CEP290: variants seen among roughly 807,000 people sequenced by gnomAD.
CEP290 encodes the protein centrosomal protein 290.
A neutral mutation model predicts 344.9 loss-of-function variants in CEP290; 317 were observed. The observed-to-expected ratio is 0.92, with a 90% CI of 0.84 to 1.01. The LOEUF (loss-of-function observed/expected upper bound fraction) is 1.01. Ranked by LOEUF, CEP290 falls within the 50% of genes least tolerant of loss-of-function variation. The pLI, the probability that CEP290 is intolerant of heterozygous loss-of-function variation, is 0.00. For missense variants in CEP290, 2,754 were observed against 2,761.4 expected, an observed-to-expected ratio of 1.00 and a Z score of 0.06; for synonymous variants, 932 against 895.8, an observed-to-expected ratio of 1.04 and a Z score of -0.72.
rs1159716737 is a variant in CEP290 at position 88,111,229 on chromosome 12, C to G, written c.2340G>C (p.Gln780His). 1 of 1,415,716 alleles carries G rather than the reference C, an allele frequency of 7.1e-7. No homozygotes were observed. The highest frequency in any genetic ancestry group is 9.2e-7 in the Non-Finnish European group (1 of 1,081,480). 87.7% of individuals were successfully genotyped at this position (1,415,716 alleles called of 1,614,324 possible). Reference sequence around the variant, plus strand: ...GTAACAAATGTATTAAATATTCATTCTGAGAATTAATGATACTGGCACTAG... The same window carrying G: ...GTAACAAATGTATTAAATATTCATTGTGAGAATTAATGATACTGGCACTAG... ...APSSASIINSQNEYLIHLLQE... is the reference protein window; with the variant it reads ...APSSASIINSHNEYLIHLLQE... The change falls in exon 22 of 54, where the codon CAG becomes CAC. Residue 780 changes from glutamine (Q) to histidine (H), a missense_variant. Coordinates refer to ENST00000552810, the MANE Select transcript of CEP290 (RefSeq NM_025114.4).
chr12:88,134,761 C>T (rs2040262076), intron 6 of CEP290, among the ~76,000 whole-genome samples: 1 of 152,160 alleles, frequency 6.6e-6, no homozygotes, highest in East Asian at 1.9e-4. Context: ...AAGTGCCTGG[C>T]ACATAGTAAG....
At chr12:88,089,549 C>A (rs1268899615) in intron 30 of CEP290, 62 bp from the exon 31 acceptor site, 32 of 1,236,080 alleles carry the variant, frequency 2.6e-5, no homozygotes, top group Middle Eastern at 2.0e-4. Context: ...AAAGTTATCA[C>A]AGATTTAAAA....
intron 28 of CEP290, 22 bp from the exon 29 acceptor site, chr12:88,092,854 T>G: frequency 6.2e-7 from 1 of 1,605,664 alleles, no homozygotes; most frequent in Non-Finnish European, 8.5e-7. Context: ...TAACAAAAAA[T>G]GTTCAGATAC....
Position 88,134,208 on chromosome 12 carries a change from T to C in CEP290, c.441+2435A>G, listed in dbSNP as rs561118836. 5.1e-4 allele frequency among the ~76,000 whole-genome samples: 78 copies of C among 152,334 alleles called. 1 individual carries two copies. The South Asian group carries it at 0.011, about 22-fold the overall frequency. On this transcript the variant is annotated intron_variant, in intron 6 of 53. Coordinates refer to ENST00000552810, the MANE Select transcript of CEP290 (RefSeq NM_025114.4). The stretch of plus-strand genomic sequence containing the variant: ...TCCTCTTGTGTTCCTCCTTAATGAA[T>C]GGCACTATCTACCTATTTAGTGGCC...
intron 47 of CEP290, 113 bp from the exon 48 acceptor site, chr12:88,060,133 GATTAGA>G (rs1393170437): frequency 1.1e-6 from 1 of 946,170 alleles, no homozygotes. Flanking sequence ...TATTTGATAT[GATTAGA>G]ATTAAAGTCT....
intron 15 of CEP290, 22 bp downstream of exon 15, chr12:88,120,092 T>C (rs370585335): frequency 1.8e-5 from 26 of 1,447,386 alleles, no homozygotes; most frequent in African/African-American, 8.7e-5. Context: ...GCGCAAACTA[T>C]GTAACTTAAA....
intron 13 of CEP290, among the ~76,000 whole-genome samples, chr12:88,124,532 C>A (rs2039610890): frequency 6.6e-6 from 1 of 151,504 alleles, no homozygotes; most frequent in African/African-American, 2.4e-5. Context: ...GTCATATATA[C>A]AAATATATAT....
At position 88,083,765 on chromosome 12, in the gene CEP290, T is replaced by C. The variant is rs2036363877; in HGVS notation, c.4812+82A>G. On this transcript the variant is annotated intron_variant, in intron 36 of 53. Transcript: ENST00000552810. ...TGGCAACAAAAAGGGTAACTTCCAT[T>C]CCAAAAAAGAAGAGAGCTGAATTTT... is the stretch of plus-strand genomic sequence containing the variant. 9.0e-6 allele frequency: 8 copies of C among 891,448 alleles called. No homozygotes were observed. The South Asian group carries it at 1.3e-4, about 14-fold the overall frequency. The allele number at this position is 891,448 out of a possible 1,614,324, so 55.2% of individuals were successfully genotyped here. A position where few individuals can be genotyped will look rare whatever the true frequency, so the allele number is the denominator to read the frequency against.
rs199747962 is a variant in CEP290, at chr12:88,115,099, T to C, written c.1908A>G (p.Lys636=). 1.4e-6 allele frequency: 2 copies of C among 1,400,870 alleles called. No homozygotes were observed. The highest frequency in any genetic ancestry group is 9.8e-7 in the Non-Finnish European group (1 of 1,015,412). The allele number at this position is 1,400,870 out of a possible 1,614,324, so 86.8% of individuals were successfully genotyped here. ...SRTVIAKFQN[K]LKELVEENKQ... Reference sequence around the variant, plus strand: ...AAGTAAAAGATAATTGTAACTTACATTTATTCTGAAATTTGGCTATCACTG... The same window carrying C: ...AAGTAAAAGATAATTGTAACTTACACTTATTCTGAAATTTGGCTATCACTG... The change falls in exon 19 of 54, where the codon AAA becomes AAG. Residue 636 remains lysine, a splice_region_variant and synonymous_variant. Coordinates refer to ENST00000552810, the MANE Select transcript of CEP290 (RefSeq NM_025114.4).
intron 18 of CEP290, chr12:88,115,506 A>G: frequency 2.3e-6 from 3 of 1,298,438 alleles, no homozygotes; most frequent in Middle Eastern, 4.2e-4. Context: ...GTGATGTTCA[A>G]GCTCTATATC....
intron 30 of CEP290, among the ~76,000 whole-genome samples, chr12:88,089,916 G>A (rs1156446637): frequency 1.3e-5 from 2 of 151,866 alleles, no homozygotes; most frequent in Non-Finnish European, 2.9e-5. Flanking sequence ...TAGTAGGGAC[G>A]GGGTTTCACC....
chr12:88,071,682 G>C, intron 42 of CEP290, 99 bp downstream of exon 42: 1 of 981,798 alleles, frequency 1.0e-6, no homozygotes, highest in Non-Finnish European at 1.5e-6. Flanking sequence ...ATTTAAACTA[G>C]ACCATTTCTC....
Position 88,141,021 on chromosome 12 carries a change from C to A in CEP290, c.115G>T (p.Glu39Ter). The A allele has an allele frequency of 6.3e-7, 1 of 1,582,252 alleles. No homozygotes were observed. Among genetic ancestry groups the A allele is most frequent in the Non-Finnish European group, 8.6e-7 (1 of 1,166,854 alleles). ...TTTTCTTGCTTTTCACTTTTTAGCT[C>A]ATTTACTTCCACCTAAGTAAACAGA... ...LISLSKVEVN[E>*]LKSEKQENVI... The change falls in exon 3 of 54, where the codon GAG (glutamate) becomes TAG (stop). Residue 39 changes from glutamate (E) to a stop codon, truncating the protein, a stop_gained. Transcript: ENST00000552810. LOFTEE classifies it high-confidence loss of function.
Position 88,126,217 on chromosome 12 carries a change from G to A in CEP290, c.1065+99C>T, listed in dbSNP as rs371150633. On this transcript the variant is annotated intron_variant, in intron 12 of 53. Transcript: ENST00000552810. ...TATTATACACTTGGTAGTACCAGCC[G>A]CTACACTAGGCACTGATGATATAAT... The A allele has an allele frequency of 9.4e-6, 9 of 956,866 alleles. No individual in the cohort carries two copies. In the South Asian group the frequency reaches 1.3e-4, roughly 14 times the overall value. 59.3% of individuals were successfully genotyped at this position (956,866 alleles called of 1,614,324 possible).
At chr12:88,050,207 AG>A in intron 53 of CEP290, 146 bp downstream of exon 53, 1 of 557,884 alleles carries the variant, frequency 1.8e-6, no homozygotes, top group Non-Finnish European at 3.1e-6. Context: ...AGGAATAGTC[AG>A]ATGAACATAA....
In CEP290 at chr12:88,109,087, A is replaced by G; in HGVS notation, c.2462T>C (p.Leu821Ser). Residue 821 changes from leucine (L) to serine (S), a missense_variant, in exon 23 of 54, where the codon TTG (leucine) becomes TCG (serine). By Grantham distance (145) the Leu-to-Ser change is moderately radical. Coordinates refer to ENST00000552810, the MANE Select transcript of CEP290 (RefSeq NM_025114.4). ...KFAVIRHQQSLLYKEYLSEKE... is the reference protein window; with the variant it reads ...KFAVIRHQQSSLYKEYLSEKE... ...ATACCTTAGGTATTCTTTATACAAC[A>G]AACTTTGTTGATGACGAATTACAGC... 1 of 1,400,150 alleles carries G rather than the reference A, an allele frequency of 7.1e-7. No homozygotes were observed. Among genetic ancestry groups the G allele is most frequent in the Non-Finnish European group, 9.6e-7 (1 of 1,036,502 alleles). 86.7% of individuals were successfully genotyped at this position (1,400,150 alleles called of 1,614,324 possible). A position where few individuals can be genotyped will look rare whatever the true frequency, so the allele number is the denominator to read the frequency against.
At chr12:88,062,813 C>T (rs1175252792) in intron 45 of CEP290, 35 bp from the exon 46 acceptor site, 3 of 1,322,238 alleles carry the variant, frequency 2.3e-6, no homozygotes, top group South Asian at 2.5e-5. Context: ...AATAATTTAA[C>T]ATAGCTACAG....
intron 1 of CEP290, among the ~76,000 whole-genome samples, 182 bp downstream of exon 1, chr12:88,141,718 A>G (rs540112057): frequency 1.3e-5 from 2 of 152,336 alleles, no homozygotes; most frequent in African/African-American, 4.8e-5. Context: ...GCTGAAAAAA[A>G]ACGCAGAAAT....
Position 88,106,771 on chromosome 12 carries a change from C to A in CEP290, c.2721G>T (p.Glu907Asp). 1.2e-6 allele frequency: 2 copies of A among 1,610,418 alleles called. No homozygotes were observed. The highest frequency in any genetic ancestry group is 1.7e-6 in the Non-Finnish European group (2 of 1,178,032). The stretch of plus-strand genomic sequence containing the variant: ...TCTCATTTTCTTTTCTAAGTTGTCG[C>A]TCCAATTCTACTAAGGTTGTATATT... The part of the protein sequence containing the change: ...IRQYTTLVEL[E>D]RQLRKENEKQ... Residue 907 changes from glutamate to aspartate, a missense_variant, in exon 25 of 54, where the codon GAG (glutamate) becomes GAT (aspartate). Glu to Asp is a conservative substitution (Grantham distance 45). Transcript: ENST00000552810.
Sources: gnomAD v4.1 joint callset for allele counts (sites outside exome capture counted in the v4.1 genomes callset) on GRCh38, gnomAD v4.1.1 for gene constraint, MANE v1.5 for transcripts, NCBI Gene and HGNC (gene_info 2026-07-23, HGNC 2026-07-21) for gene names.